MBP: variants seen among roughly 807,000 people sequenced by gnomAD.
MBP encodes myelin basic protein, also known as Golli-MBP.
In MBP, 16 loss-of-function variants were observed where a neutral mutation model predicts 35.8. The ratio of observed to expected loss-of-function variants is 0.45; its 90% CI spans 0.30 to 0.68. The LOEUF is 0.68. Among genes scored for constraint, MBP ranks in the 30% least tolerant of loss-of-function variants. The pLI is 0.08. For missense variants in MBP, 380 were observed against 404.7 expected, an observed-to-expected ratio of 0.94 and a Z score of 0.52; for synonymous variants, 143 against 159.6, an observed-to-expected ratio of 0.90 and a Z score of 0.78.
intron 1 of MBP, among the ~76,000 whole-genome samples, chr18:77,106,133 G>A (rs891447868): frequency 6.6e-6 from 1 of 152,140 alleles, no homozygotes; most frequent in Non-Finnish European, 1.5e-5. Flanking sequence ...TTTGCAAAAA[G>A]GTGTGAGTAC....
chr18:77,091,105 C>A (rs146919541), intron 2 of MBP, among the ~76,000 whole-genome samples: 2 of 152,172 alleles, frequency 1.3e-5, no homozygotes, highest in Admixed American at 6.5e-5. Context: ...TAGCCCTTTA[C>A]GTGAACATTT....
At chr18:77,107,751 A>G (rs936539307) in intron 1 of MBP, among the ~76,000 whole-genome samples, 3 of 152,214 alleles carry the variant, frequency 2.0e-5, no homozygotes, top group African/African-American at 4.8e-5. Context: ...AGAAAACTCA[A>G]GAATACTGGA....
At position 77,123,945 on chromosome 18, in the gene MBP, G is replaced by A. The variant is rs904483925; in HGVS notation, c.-26+8635C>T. Among the ~76,000 whole-genome samples the A allele has an allele frequency of 2.0e-5, 3 of 152,212 alleles. No individual in the cohort carries two copies. The East Asian group carries it at 5.8e-4, about 29-fold the overall frequency. ...CTCTGGGTTGGTGGTCAGCCGGGAA[G>A]CAGCCTAGGGCACCTGCACGGAGTC... On this transcript the variant is annotated intron_variant, in intron 1 of 8. Transcript: ENST00000355994.
chr18:77,018,742 A>C (rs1971823566), intron 3 of MBP, among the ~76,000 whole-genome samples: 1 of 137,282 alleles, frequency 7.3e-6, no homozygotes. Context: ...CCCTCCATCT[A>C]TCCACTCATC....
intron 2 of MBP, among the ~76,000 whole-genome samples, chr18:77,069,191 T>A (rs1974330593): frequency 6.6e-6 from 1 of 152,208 alleles, no homozygotes; most frequent in Non-Finnish European, 1.5e-5. Context: ...CAGAGAGAGC[T>A]TTTTAAACAT....
chr18:77,000,956 A>C (rs1303132244), intron 4 of MBP, among the ~76,000 whole-genome samples: 1 of 152,040 alleles, frequency 6.6e-6, no homozygotes, highest in African/African-American at 2.4e-5. Context: ...ATTTGAAAAA[A>C]GATTAATATT....
chr18:76,995,609 T>C (rs1970226044), intron 4 of MBP, among the ~76,000 whole-genome samples: 1 of 152,116 alleles, frequency 6.6e-6, no homozygotes, highest in African/African-American at 2.4e-5. Flanking sequence ...ATTGAAGCAA[T>C]TGAACATCCA....
At chr18:77,015,035 C>G in intron 4 of MBP, 1 of 983,450 alleles carries the variant, frequency 1.0e-6, no homozygotes, top group Non-Finnish European at 1.2e-6. Flanking sequence ...AGAATGTTTT[C>G]TTTGAAAATA....
Position 76,980,310 on chromosome 18 carries a change from G to T in MBP, c.*117C>A. ...CTGACCCTACTACGTGCACAACTCCGCAGGCATTAGGGGAGGGGTCATCTG... is the reference window on the plus strand; with the variant it reads ...CTGACCCTACTACGTGCACAACTCCTCAGGCATTAGGGGAGGGGTCATCTG... On this transcript the variant is annotated 3_prime_UTR_variant, in exon 9 of 9. Transcript: ENST00000355994. The T allele has an allele frequency of 3.1e-6, 3 of 952,984 alleles. No homozygotes were observed. Among genetic ancestry groups the T allele is most frequent in the South Asian group, 1.3e-5 (1 of 77,434 alleles). 59.0% of individuals were successfully genotyped at this position (952,984 alleles called of 1,614,324 possible). A position where few individuals can be genotyped will look rare whatever the true frequency, so the allele number is the denominator to read the frequency against.
At chr18:77,104,401 A>G (rs1447962913) in intron 2 of MBP, among the ~76,000 whole-genome samples, 3 of 152,336 alleles carry the variant, frequency 2.0e-5, no homozygotes, top group African/African-American at 7.2e-5. Flanking sequence ...AGAACTGGTG[A>G]GGAGCCAAGT....
At chr18:77,103,643 A>T (rs576276083) in intron 2 of MBP, among the ~76,000 whole-genome samples, 1 of 152,280 alleles carries the variant, frequency 6.6e-6, no homozygotes, top group Non-Finnish European at 1.5e-5. Context: ...GCCCCCATAC[A>T]AATTAGGGTG....
chr18:77,015,617 T>C, intron 4 of MBP: 2 of 985,412 alleles, frequency 2.0e-6, no homozygotes, highest in Non-Finnish European at 2.4e-6. Flanking sequence ...ACCTGAAATC[T>C]CAACTCAGAC....
intron 4 of MBP, chr18:77,014,279 C>G: frequency 1.0e-6 from 1 of 985,452 alleles, no homozygotes; most frequent in Non-Finnish European, 1.2e-6. Context: ...GTGGTACCAG[C>G]GGCCATGTGC....
intron 2 of MBP, among the ~76,000 whole-genome samples, chr18:77,081,603 T>C (rs1974901177): frequency 6.6e-6 from 1 of 151,968 alleles, no homozygotes; most frequent in Admixed American, 6.6e-5. Flanking sequence ...GGGAAGTAAG[T>C]GGACTCTGTG....
intron 4 of MBP, among the ~76,000 whole-genome samples, chr18:76,999,008 T>G (rs1416362357): frequency 6.7e-6 from 1 of 149,870 alleles, no homozygotes; most frequent in East Asian, 2.0e-4. Flanking sequence ...TTAAGAGCAG[T>G]GTTTTGGGGG....
intron 8 of MBP, 43 bp downstream of exon 8, chr18:76,984,732 C>T (rs775339042): frequency 1.2e-6 from 2 of 1,613,104 alleles, no homozygotes; most frequent in Non-Finnish European, 1.7e-6. Flanking sequence ...ATTCTGGGAG[C>T]CCTTAGTCCC....
intron 3 of MBP, among the ~76,000 whole-genome samples, chr18:77,019,061 CAT>C: frequency 6.6e-6 from 1 of 151,774 alleles, no homozygotes; most frequent in South Asian, 2.1e-4. Flanking sequence ...TCCATCCATC[CAT>C]CCATCCATCC....
At chr18:77,085,732 T>C (rs982923203) in intron 2 of MBP, among the ~76,000 whole-genome samples, 5 of 145,352 alleles carry the variant, frequency 3.4e-5, no homozygotes, top group African/African-American at 1.3e-4. Flanking sequence ...TCACCCAGGC[T>C]GGAGAGCAGT....
At chr18:77,046,341 T>G (rs1255381638) in intron 3 of MBP, among the ~76,000 whole-genome samples, 1 of 152,224 alleles carries the variant, frequency 6.6e-6, no homozygotes, top group Non-Finnish European at 1.5e-5. Context: ...TTTAGAACCC[T>G]GGCCCACTTT....
Sources: gnomAD v4.1 joint callset for allele counts (sites outside exome capture counted in the v4.1 genomes callset) on GRCh38, gnomAD v4.1.1 for gene constraint, MANE v1.5 for transcripts, NCBI Gene and HGNC (gene_info 2026-07-23, HGNC 2026-07-21) for gene names.